Variants in PHF14 observed in about 807,000 individuals in gnomAD.
PHF14 encodes the protein PHD finger protein 14.
A neutral mutation model predicts 117.9 loss-of-function variants in PHF14; 55 were observed. That is an observed-to-expected ratio of 0.47 (90% CI 0.38 to 0.58). PHF14 has a LOEUF of 0.58. Ranked by LOEUF, PHF14 falls within the 20% of genes least tolerant of loss-of-function variation. The pLI, the probability that PHF14 is intolerant of heterozygous loss-of-function variation, is 0.00. For synonymous variants in PHF14, 409 were observed against 368.6 expected, an observed-to-expected ratio of 1.11 and a Z score of -1.26; for missense variants, 978 against 1,122.2, an observed-to-expected ratio of 0.87 and a Z score of 1.84.
At chr7:11,110,017 T>A (rs886714735) in intron 16 of PHF14, 2 of 151,968 alleles carry the variant, frequency 1.3e-5, no homozygotes, top group Non-Finnish European at 2.9e-5. Context: ...TTAAGTTGCT[T>A]AACTTTTCTG....
chr7:11,101,019 A>G (rs1787067461), intron 16 of PHF14, among the ~76,000 whole-genome samples: 2 of 152,064 alleles, frequency 1.3e-5, no homozygotes, highest in South Asian at 4.1e-4. Context: ...TACTAGTTGC[A>G]TATGAAATAA....
intron 17 of PHF14, among the ~76,000 whole-genome samples, chr7:11,153,726 C>G (rs1788765743): frequency 6.6e-6 from 1 of 152,070 alleles, no homozygotes. Context: ...GAAAACCCAC[C>G]TACTTTTAAT....
chr7:11,085,891 T>TAA lies in PHF14; in HGVS notation c.2654+23815_2654+23816dup, dbSNP rs200053748. On this transcript the variant is annotated intron_variant, in intron 16 of 17. Coordinates refer to ENST00000634607, the MANE Select transcript of PHF14 (RefSeq NM_001007157.2). Reference sequence around the variant, plus strand: ...TTATCAGTAGCAAAACATAATAGTTTAAAAAAAAAACTGTGGTTAAATGCT... The same window carrying TAA: ...TTATCAGTAGCAAAACATAATAGTTTAAAAAAAAAAAACTGTGGTTAAATGCT... 2.5e-3 allele frequency among the ~76,000 whole-genome samples: 375 copies of TAA among 149,336 alleles called. 3 individuals are homozygous for TAA. The highest frequency in any genetic ancestry group is 8.5e-3 in the African/African-American group (349 of 40,826).
chr7:11,145,707 A>T (rs1788531398), intron 17 of PHF14, among the ~76,000 whole-genome samples: 1 of 152,114 alleles, frequency 6.6e-6, no homozygotes, highest in African/African-American at 2.4e-5. Flanking sequence ...TTTGTACCAC[A>T]AGGAAATATA....
intron 13 of PHF14, among the ~76,000 whole-genome samples, chr7:11,043,814 G>A (rs1266274251): frequency 6.6e-6 from 1 of 152,052 alleles, no homozygotes; most frequent in East Asian, 1.9e-4. Context: ...ATGTTAATAA[G>A]CATCCTGGGT....
chr7:11,086,416 A>G (rs560921373), intron 16 of PHF14, among the ~76,000 whole-genome samples: 2 of 151,952 alleles, frequency 1.3e-5, no homozygotes, highest in Non-Finnish European at 2.9e-5. Flanking sequence ...TCTTGCTTTT[A>G]TTATACTTTA....
At chr7:11,104,499 A>G in intron 16 of PHF14, 1 of 980,946 alleles carries the variant, frequency 1.0e-6, no homozygotes, top group Non-Finnish European at 1.2e-6. Flanking sequence ...TATGTACTAA[A>G]TGATTCATAT....
At chr7:11,054,819 CTGT>C (rs1315844879) in intron 14 of PHF14, among the ~76,000 whole-genome samples, 1 of 152,122 alleles carries the variant, frequency 6.6e-6, no homozygotes, top group East Asian at 1.9e-4. Context: ...TGGGAACATT[CTGT>C]CTTGTAATAC....
At chr7:11,025,878 G>T (rs955899524) in intron 6 of PHF14, among the ~76,000 whole-genome samples, 1 of 152,090 alleles carries the variant, frequency 6.6e-6, no homozygotes, top group South Asian at 2.1e-4. Flanking sequence ...TTGGGAGGCC[G>T]AGTTGGGTGG....
intron 17 of PHF14, among the ~76,000 whole-genome samples, chr7:11,155,871 A>G (rs995842406): frequency 6.6e-6 from 1 of 151,930 alleles, no homozygotes; most frequent in African/African-American, 2.4e-5. Flanking sequence ...CTTGCTGGAG[A>G]TCTGTTTTCA....
chr7:11,160,251 G>A (rs1788984987), intron 17 of PHF14, among the ~76,000 whole-genome samples: 1 of 152,060 alleles, frequency 6.6e-6, no homozygotes, highest in Admixed American at 6.6e-5. Flanking sequence ...TCTTCTTAAG[G>A]GTTGCATAGT....
At position 10,978,228 on chromosome 7, in the gene PHF14, A is replaced by G. The variant is rs533039557; in HGVS notation, c.112+3283A>G. On this transcript the variant is annotated intron_variant, in intron 2 of 17. Coordinates refer to ENST00000634607, the MANE Select transcript of PHF14 (RefSeq NM_001007157.2). ...GTAGTTTAGCCCTTTGCTAGATGTT[A>G]TGGTGAATTTACAAAACAGTAGTAA... Among the ~76,000 whole-genome samples the G allele has an allele frequency of 4.6e-5, 7 of 152,340 alleles. No individual in the cohort carries two copies. In the South Asian group the frequency reaches 1.4e-3, roughly 32 times the overall value.
chr7:11,027,141 A>G (rs1038368163), intron 6 of PHF14, among the ~76,000 whole-genome samples: 1 of 152,210 alleles, frequency 6.6e-6, no homozygotes, highest in African/African-American at 2.4e-5. Flanking sequence ...CAATTTCAAC[A>G]TATTACATGA....
chr7:11,098,492 A>G (rs1395195354), intron 16 of PHF14, among the ~76,000 whole-genome samples: 1 of 151,936 alleles, frequency 6.6e-6, no homozygotes, highest in Non-Finnish European at 1.5e-5. Context: ...CTAGTGTATA[A>G]TTGGGTTCTA....
chr7:11,134,809 A>G lies in PHF14; in HGVS notation c.2772+23342A>G, dbSNP rs140436142. Among the ~76,000 whole-genome samples, 1,327 of 152,284 alleles carry G rather than the reference A, an allele frequency of 8.7e-3. 92 individuals are homozygous for G. Among genetic ancestry groups the G allele is most frequent in the Admixed American group, 0.083 (1,262 of 15,274 alleles). ...AAGTAATACATAAAATAATTTTGCA[A>G]AAAAACATGAGTAAACTCAAACTAT... is the stretch of plus-strand genomic sequence containing the variant. On this transcript the variant is annotated intron_variant, in intron 17 of 17. Coordinates refer to ENST00000634607, the MANE Select transcript of PHF14 (RefSeq NM_001007157.2).
intron 16 of PHF14, chr7:11,107,698 A>T (rs1012621032): frequency 7.2e-6 from 5 of 695,700 alleles, no homozygotes; most frequent in Non-Finnish European, 8.8e-6. Context: ...ATCTGTTTTT[A>T]TTACATAGAC....
At chr7:11,169,256 A>G (rs1255608362) in intron 17 of PHF14, among the ~76,000 whole-genome samples, 160 bp from the exon 18 acceptor site, 2 of 152,178 alleles carry the variant, frequency 1.3e-5, no homozygotes, top group Non-Finnish European at 2.9e-5. Context: ...AACAGCACCT[A>G]TTGCAAATAT....
At chr7:11,011,341 C>T (rs1783351624) in intron 4 of PHF14, among the ~76,000 whole-genome samples, 1 of 152,028 alleles carries the variant, frequency 6.6e-6, no homozygotes, top group Non-Finnish European at 1.5e-5. Flanking sequence ...ATTTAGGCTC[C>T]TGGTTGTCTG....
chr7:11,094,456 T>C (rs1280333930), intron 16 of PHF14, among the ~76,000 whole-genome samples: 1 of 152,194 alleles, frequency 6.6e-6, no homozygotes, highest in Non-Finnish European at 1.5e-5. Context: ...TGATTCTGAC[T>C]CCTCCTACTT....
Sources: allele counts gnomAD v4.1 joint callset (sites outside exome capture counted in the v4.1 genomes callset), GRCh38; gene constraint gnomAD v4.1.1; transcripts MANE v1.5; gene names NCBI Gene and HGNC (gene_info 2026-07-23, HGNC 2026-07-21).